Variants in MSRA observed in about 807,000 individuals in gnomAD.
MSRA encodes the protein mitochondrial peptide methionine sulfoxide reductase.
In MSRA, 54 loss-of-function variants were observed where a neutral mutation model predicts 31.3. That is an observed-to-expected ratio of 1.73 (90% confidence interval 1.39 to 2.17). The LOEUF is 2.17. MSRA is among the 30% of genes most tolerant of loss of function. The pLI is 0.00. For synonymous variants in MSRA, 169 were observed against 116.5 expected, an observed-to-expected ratio of 1.45 and a Z score of -2.90; for missense variants, 507 against 300.9, an observed-to-expected ratio of 1.69 and a Z score of -5.07.
intron 1 of MSRA, among the ~76,000 whole-genome samples, chr8:10,074,588 A>G (rs1431292002): frequency 6.6e-6 from 1 of 152,126 alleles, no homozygotes; most frequent in African/African-American, 2.4e-5. Flanking sequence ...TTCACATTTG[A>G]TTATTTTCCA....
rs563910225 is a variant in MSRA, at chr8:10,340,718, A to G, written c.543+20729A>G. On this transcript the variant is annotated intron_variant, in intron 5 of 5. Coordinates refer to ENST00000317173, the MANE Select transcript of MSRA (RefSeq NM_012331.5). ...CACTTTATAAAGTGGCGAGGATGGCATGTTTTGATTCAATTCAAAAGGTAT... is the reference window on the plus strand; with the variant it reads ...CACTTTATAAAGTGGCGAGGATGGCGTGTTTTGATTCAATTCAAAAGGTAT... Among the ~76,000 whole-genome samples the G allele has an allele frequency of 8.5e-5, 13 of 152,340 alleles. No homozygotes were observed. In the South Asian group the frequency reaches 2.7e-3, roughly 32 times the overall value.
intron 3 of MSRA, among the ~76,000 whole-genome samples, chr8:10,248,341 T>A (rs1397257026): frequency 1.3e-5 from 2 of 152,154 alleles, no homozygotes; most frequent in African/African-American, 2.4e-5. Flanking sequence ...TACCATGTGG[T>A]TTCTTGGGGC....
At chr8:10,420,827 C>T (rs145285763) in intron 5 of MSRA, among the ~76,000 whole-genome samples, 60 of 151,862 alleles carry the variant, frequency 4.0e-4, no homozygotes, top group African/African-American at 1.4e-3. Flanking sequence ...ATGTACTTAA[C>T]ACAACTGTAC....
chr8:10,301,744 T>C, intron 4 of MSRA, 106 bp downstream of exon 4: 1 of 864,092 alleles, frequency 1.2e-6, no homozygotes, highest in Non-Finnish European at 1.8e-6. Context: ...ACACAGGAGC[T>C]CAAGAATATG....
At chr8:10,410,244 G>A (rs112249938) in intron 5 of MSRA, among the ~76,000 whole-genome samples, 13 of 152,278 alleles carry the variant, frequency 8.5e-5, no homozygotes, top group East Asian at 3.9e-4. Context: ...CAACACTCTC[G>A]TATGGAAAGT....
At chr8:10,088,620 C>T (rs1410106708) in intron 1 of MSRA, among the ~76,000 whole-genome samples, 1 of 152,092 alleles carries the variant, frequency 6.6e-6, no homozygotes, top group African/African-American at 2.4e-5. Context: ...CTTGCAGTCC[C>T]AGCTACTCTG....
intron 4 of MSRA, among the ~76,000 whole-genome samples, chr8:10,315,199 G>T (rs554222549): frequency 6.6e-6 from 1 of 152,190 alleles, no homozygotes; most frequent in East Asian, 1.9e-4. Flanking sequence ...CCCATGACAC[G>T]TGGGGATTAT....
intron 1 of MSRA, among the ~76,000 whole-genome samples, chr8:10,147,774 C>G (rs761700089): frequency 6.6e-6 from 1 of 152,218 alleles, no homozygotes; most frequent in African/African-American, 2.4e-5. Context: ...CTCCTAGCAT[C>G]TGTGGCACCC....
At position 10,428,229 on chromosome 8, in the gene MSRA, C is replaced by A. The variant is rs142167578; in HGVS notation, c.625C>A (p.Gln209Lys). 2 of 1,614,070 alleles carry A rather than the reference C, an allele frequency of 1.2e-6. No individual in the cohort carries two copies. Among genetic ancestry groups the A allele is most frequent in the Non-Finnish European group, 1.7e-6 (2 of 1,180,042 alleles). Residue 209 changes from glutamine to lysine, a missense_variant, in exon 6 of 6, where the codon CAG becomes AAG. Transcript: ENST00000317173. ...QTFYYAEDYH[Q>K]QYLSKNPNGY... is the part of the protein sequence containing the mutation. ...TTTCTACTATGCGGAAGACTACCAC[C>A]AGCAGTACCTGAGCAAGAACCCCAA...
At chr8:10,323,394 A>C (rs1165874425) in intron 5 of MSRA, among the ~76,000 whole-genome samples, 1 of 152,206 alleles carries the variant, frequency 6.6e-6, no homozygotes, top group Non-Finnish European at 1.5e-5. Context: ...CTCTGGAAGC[A>C]TATTAACTGC....
chr8:10,310,844 A>G (rs1801395278), intron 4 of MSRA, among the ~76,000 whole-genome samples: 1 of 152,264 alleles, frequency 6.6e-6, no homozygotes, highest in Admixed American at 6.5e-5. Flanking sequence ...CCCACTGGAA[A>G]CAGCAGCACA....
chr8:10,190,969 G>C (rs1807457942), intron 1 of MSRA, among the ~76,000 whole-genome samples: 1 of 152,146 alleles, frequency 6.6e-6, no homozygotes. Flanking sequence ...TGGTCGATCA[G>C]CTTCAGCATT....
intron 4 of MSRA, among the ~76,000 whole-genome samples, chr8:10,307,731 C>T (rs983391240): frequency 4.6e-5 from 7 of 152,164 alleles, no homozygotes; most frequent in African/African-American, 1.2e-4. Flanking sequence ...GGACTGTGGT[C>T]TGGAAACTGC....
chr8:10,384,173 A>C (rs1806244908), intron 5 of MSRA, among the ~76,000 whole-genome samples: 1 of 152,174 alleles, frequency 6.6e-6, no homozygotes, highest in South Asian at 2.1e-4. Flanking sequence ...TGCCACCTGG[A>C]CAACTATGCC....
intron 5 of MSRA, among the ~76,000 whole-genome samples, chr8:10,400,375 G>GTGTT (rs1807380006): frequency 3.6e-5 from 1 of 27,492 alleles, no homozygotes; most frequent in Non-Finnish European, 2.6e-4. Context: ...GTGTGTGTGT[G>GTGTT]TGTGTGTGTA....
chr8:10,235,786 G>A (rs918292858), intron 2 of MSRA, among the ~76,000 whole-genome samples: 1 of 152,032 alleles, frequency 6.6e-6, no homozygotes, highest in African/African-American at 2.4e-5. Flanking sequence ...GAGAAAATAA[G>A]AAAGGCTAGC....
chr8:10,371,953 G>A (rs893234962), intron 5 of MSRA, among the ~76,000 whole-genome samples: 4 of 152,176 alleles, frequency 2.6e-5, no homozygotes, highest in African/African-American at 9.7e-5. Flanking sequence ...GAAAGTGTAG[G>A]GAAGGAGAAG....
intron 3 of MSRA, among the ~76,000 whole-genome samples, chr8:10,273,570 AATT>A (rs1464485948): frequency 6.6e-6 from 1 of 152,212 alleles, no homozygotes; most frequent in Non-Finnish European, 1.5e-5. Flanking sequence ...GAACAGTGAT[AATT>A]ATTAATATCA....
intron 5 of MSRA, among the ~76,000 whole-genome samples, chr8:10,373,143 G>A (rs566200817): frequency 2.0e-5 from 3 of 152,304 alleles, no homozygotes; most frequent in South Asian, 4.1e-4. Flanking sequence ...TACCCTCTTC[G>A]GCCTCCCAAA....
Sources: allele counts gnomAD v4.1 joint callset (sites outside exome capture counted in the v4.1 genomes callset), GRCh38; gene constraint gnomAD v4.1.1; transcripts MANE v1.5; gene names NCBI Gene and HGNC (gene_info 2026-07-23, HGNC 2026-07-21).